FBF1: variants seen among roughly 807,000 people sequenced by gnomAD.
FBF1 encodes the protein fas-binding factor 1.
A neutral mutation model predicts 147.2 loss-of-function variants in FBF1; 119 were observed. The ratio of observed to expected loss-of-function variants is 0.81; its 90% confidence interval spans 0.70 to 0.94. The LOEUF (loss-of-function observed/expected upper bound fraction) is 0.94. Ranked by LOEUF, FBF1 falls within the 40% of genes least tolerant of loss-of-function variation. The probability of loss-of-function intolerance (pLI) is 0.00; values close to 1 mark genes in which losing one functional copy is unlikely to be tolerated. For missense variants in FBF1, 1,449 were observed against 1,500.8 expected (o/e 0.97, Z 0.57); for synonymous variants, 601 against 609.0 (o/e 0.99, Z 0.19).
At position 75,918,186 on chromosome 17, in the gene FBF1, G is replaced by A; in HGVS notation, c.2222C>T (p.Ala741Val). The A allele has an allele frequency of 1.2e-6, 2 of 1,613,310 alleles. No homozygotes were observed. The highest frequency in any genetic ancestry group is 1.1e-5 in the South Asian group (1 of 91,046). The change falls in exon 21 of 30, where the codon GCC (alanine) becomes GTC (valine). Residue 741 changes from alanine to valine, a missense_variant. Coordinates refer to ENST00000636174, the MANE Select transcript of FBF1 (RefSeq NM_001319193.2). The surrounding 1 kb of genome is among the most constrained non-coding windows in gnomAD (Gnocchi z 5.8). ...CCGCGTGTGGGAGGTGGCACTGGTGGCCGCATCGACCTCTCGGTCCTTCAG... is the reference window on the plus strand; with the variant it reads ...CCGCGTGTGGGAGGTGGCACTGGTGACCGCATCGACCTCTCGGTCCTTCAG... Reference protein sequence around the residue: ...KLLKDREVDAATSATSHTRSL... With the variant: ...KLLKDREVDAVTSATSHTRSL...
In FBF1 at chr17:75,923,071, G is replaced by T; in HGVS notation, c.1424+115C>A. The T allele has an allele frequency of 1.9e-6, 2 of 1,080,834 alleles. No individual in the cohort carries two copies. The highest frequency in any genetic ancestry group is 2.6e-6 in the Non-Finnish European group (2 of 762,156). 67.0% of individuals were successfully genotyped at this position (1,080,834 alleles called of 1,614,324 possible). On this transcript the variant is annotated intron_variant, in intron 14 of 29. Coordinates refer to ENST00000636174, the MANE Select transcript of FBF1 (RefSeq NM_001319193.2). The surrounding 1 kb of genome is among the most constrained non-coding windows in gnomAD (Gnocchi z 4.1). ...AAGAAGCGGCCTCTGTGGCCACGGCGCCCTGCCTTGTTCCCCAACTGCTGA... is the reference window on the plus strand; with the variant it reads ...AAGAAGCGGCCTCTGTGGCCACGGCTCCCTGCCTTGTTCCCCAACTGCTGA...
chr17:75,929,945 A>AGGGCCCCCCC, intron 7 of FBF1, 52 bp downstream of exon 7: 3 of 650,852 alleles, frequency 4.6e-6, no homozygotes, highest in Non-Finnish European at 8.4e-6. Flanking sequence ...AAATATCATG[A>AGGGCCCCCCC]CCCCACCCCA....
Position 75,918,101 on chromosome 17 carries a change from C to A in FBF1, c.2247-31G>T. 3.7e-6 allele frequency: 6 copies of A among 1,605,658 alleles called. No homozygotes were observed. The highest frequency in any genetic ancestry group is 5.1e-6 in the Non-Finnish European group (6 of 1,174,378). ...AGAAGACTGGGTCACCCCCTCCTGA[C>A]GGTCTCGGGGACCTTCCGGCCCCCA... On this transcript the variant is annotated intron_variant, in intron 21 of 29. Transcript: ENST00000636174. The surrounding 1 kb of genome is among the most constrained non-coding windows in gnomAD (Gnocchi z 5.8).
chr17:75,935,849 G>A (rs1032895974), intron 3 of FBF1, among the ~76,000 whole-genome samples, 176 bp from the exon 4 acceptor site: 2 of 152,182 alleles, frequency 1.3e-5, no homozygotes, highest in African/African-American at 4.8e-5. Flanking sequence ...AAGTCACAAA[G>A]CCTTGTTGAA....
chr17:75,921,370 G>A, intron 16 of FBF1, 68 bp from the exon 17 acceptor site: 2 of 1,553,098 alleles, frequency 1.3e-6, no homozygotes, highest in South Asian at 1.2e-5. Context: ...GTCCAGGAGG[G>A]GCTGGTGTAA....
At chr17:75,924,988 A>G (rs1299933605) in intron 13 of FBF1, among the ~76,000 whole-genome samples, 3 of 152,072 alleles carry the variant, frequency 2.0e-5, no homozygotes, top group Admixed American at 6.6e-5. Context: ...TGGTCTTGCT[A>G]CCCATCAGGA....
chr17:75,909,631 C>T lies in FBF1; in HGVS notation c.*1092G>A. On this transcript the variant is annotated 3_prime_UTR_variant, in exon 30 of 30. Transcript: ENST00000636174. The stretch of plus-strand genomic sequence containing the variant: ...GGCCTCAGTTTCTGCATGTTTGAAG[C>T]AGGGCTAATAGTACCCTTCTCCTGG... 3.9e-6 allele frequency: 2 copies of T among 518,270 alleles called. No individual in the cohort carries two copies. The highest frequency in any genetic ancestry group is 3.2e-5 in the Admixed American group (1 of 31,104). 32.1% of individuals were successfully genotyped at this position (518,270 alleles called of 1,614,324 possible).
At position 75,923,282 on chromosome 17, in the gene FBF1, G is replaced by A. The variant is rs1349681323; in HGVS notation, c.1328C>T (p.Ser443Phe). The change falls in exon 14 of 30, where the codon TCT (serine) becomes TTT (phenylalanine). Residue 443 changes from serine to phenylalanine, a missense_variant. Coordinates refer to ENST00000636174, the MANE Select transcript of FBF1 (RefSeq NM_001319193.2). The surrounding 1 kb of genome is among the most constrained non-coding windows in gnomAD (Gnocchi z 4.1). ...EKEDWLSHALSRKKSQGLARE... is the reference protein window; with the variant it reads ...EKEDWLSHALFRKKSQGLARE... ...GGCCAGGCCTTGGGACTTCTTCCGAGACAGGGCATGGCTCAGCCAGTCCTC... is the reference window on the plus strand; with the variant it reads ...GGCCAGGCCTTGGGACTTCTTCCGAAACAGGGCATGGCTCAGCCAGTCCTC... 2 of 1,591,664 alleles carry A rather than the reference G, an allele frequency of 1.3e-6. No individual in the cohort carries two copies. The highest frequency in any genetic ancestry group is 2.3e-5 in the East Asian group (1 of 43,952).
intron 28 of FBF1, among the ~76,000 whole-genome samples, chr17:75,913,062 G>A (rs374600995): frequency 2.4e-4 from 34 of 141,646 alleles, no homozygotes; most frequent in Admixed American, 1.5e-3. Context: ...GAAAAAAAAA[G>A]TACCAGAGTG....
intron 4 of FBF1, among the ~76,000 whole-genome samples, chr17:75,933,830 T>C (rs2065608297): frequency 1.3e-5 from 2 of 152,098 alleles, no homozygotes; most frequent in Admixed American, 1.3e-4. Context: ...CATTAGTCAT[T>C]AGGGAAATGC....
chr17:75,929,964 C>CCCCCCCCAAAAAAAA, intron 7 of FBF1, 33 bp downstream of exon 7: 3 of 1,402,202 alleles, frequency 2.1e-6, no homozygotes, highest in Non-Finnish European at 3.0e-6. Context: ...CACCCACCCC[C>CCCCCCCCAAAAAAAA]AGTTCTAAGA....
rs1567857815 is a variant in FBF1 at position 75,915,062 on chromosome 17, C to CTCA, written c.2582_2583insTGA (p.Thr861_Ala862insGlu). The CTCA allele has an allele frequency of 6.2e-7, 1 of 1,613,548 alleles. No individual in the cohort carries two copies. ...CCCTTTCCATGGCCATCTGCTGGGC[C>CTCA]GTGACCTTCCTTTGCTCCTCTAGGG... On this transcript the variant is annotated inframe_insertion, in exon 24 of 30. Coordinates refer to ENST00000636174, the MANE Select transcript of FBF1 (RefSeq NM_001319193.2).
At chr17:75,931,393 C>A in intron 5 of FBF1, 104 bp from the exon 6 acceptor site, 1 of 962,844 alleles carries the variant, frequency 1.0e-6, no homozygotes, top group Non-Finnish European at 1.6e-6. Flanking sequence ...GGATAGGTCT[C>A]TCCGGAGAAC....
At chr17:75,935,499 T>A in intron 4 of FBF1, 133 bp downstream of exon 4, 1 of 890,340 alleles carries the variant, frequency 1.1e-6, no homozygotes. Flanking sequence ...ATGCCTGTAA[T>A]CCCAGCACTT....
At chr17:75,929,624 G>T (rs1478875906) in intron 7 of FBF1, among the ~76,000 whole-genome samples, 1 of 152,200 alleles carries the variant, frequency 6.6e-6, no homozygotes, top group Non-Finnish European at 1.5e-5. Flanking sequence ...AGTATTGAAG[G>T]GGGCTTGGCA....
chr17:75,912,778 T>C (rs543484553), intron 28 of FBF1, among the ~76,000 whole-genome samples: 1 of 152,332 alleles, frequency 6.6e-6, no homozygotes, highest in East Asian at 1.9e-4. Flanking sequence ...CGTTGGCTCA[T>C]GCCTGTAATC....
intron 7 of FBF1, 33 bp downstream of exon 7, chr17:75,929,964 C>CCCA: frequency 1.4e-6 from 2 of 1,402,196 alleles, no homozygotes; most frequent in Non-Finnish European, 9.9e-7. Flanking sequence ...CACCCACCCC[C>CCCA]AGTTCTAAGA....
intron 3 of FBF1, among the ~76,000 whole-genome samples, chr17:75,936,989 A>C (rs1478479535): frequency 6.6e-6 from 1 of 152,058 alleles, no homozygotes; most frequent in Non-Finnish European, 1.5e-5. Flanking sequence ...TCGTTTCCCC[A>C]CACCAGCTTT....
chr17:75,927,942 G>T, intron 8 of FBF1, 134 bp downstream of exon 8: 1 of 687,566 alleles, frequency 1.5e-6, no homozygotes, highest in East Asian at 2.7e-5. Context: ...AATGCTCCTT[G>T]GCCTCTCCAT....
Sources: gnomAD v4.1 joint callset for allele counts (sites outside exome capture counted in the v4.1 genomes callset) on GRCh38, gnomAD v4.1.1 for gene constraint, Gnocchi (gnomAD v3.1) non-coding constraint, MANE v1.5 for transcripts, NCBI Gene and HGNC (gene_info 2026-07-23, HGNC 2026-07-21) for gene names.